The following ETS1 variants were observed in gnomAD, a reference collection of about 807,000 sequenced individuals.
The protein encoded by ETS1 is protein C-ets-1.
Under a neutral mutation model 58.6 loss-of-function variants are expected in ETS1, and 15 were observed. The observed-to-expected ratio is 0.26, with a 90% CI of 0.17 to 0.39. The LOEUF is 0.39. ETS1 is among the 10% of genes least tolerant of loss of function. The probability of loss-of-function intolerance (pLI) is 1.00; values close to 1 mark genes in which losing one functional copy is unlikely to be tolerated. For synonymous variants in ETS1, 214 were observed against 218.2 expected (o/e 0.98, Z 0.17); for missense variants, 417 against 610.5 (o/e 0.68, Z 3.34).
In ETS1 at chr11:128,463,676, T is replaced by C. The variant is rs773404571; in HGVS notation, c.1124-49A>G. 1.9e-6 allele frequency: 2 copies of C among 1,030,378 alleles called. No individual in the cohort carries two copies. The highest frequency in any genetic ancestry group is 1.3e-5 in the South Asian group (1 of 79,102). The allele number at this position is 1,030,378 out of a possible 1,614,324, so 63.8% of individuals were successfully genotyped here. On this transcript the variant is annotated intron_variant, in intron 8 of 9. Coordinates refer to ENST00000392668, the MANE Select transcript of ETS1 (RefSeq NM_001143820.2). This position sits in a 1 kb window ranked among gnomAD's most constrained non-coding sequence, Gnocchi z 4.1. ...TCATTACACCAGATATTCAGCACTC[T>C]ACGCAGCTAATCCCCACACACGGCA...
intron 2 of ETS1, among the ~76,000 whole-genome samples, chr11:128,560,392 C>T (rs888094657): frequency 6.6e-6 from 1 of 152,340 alleles, no homozygotes; most frequent in African/African-American, 2.4e-5. Context: ...GGATTACAGG[C>T]GTGAGCCACC....
intron 9 of ETS1, 116 bp from the exon 10 acceptor site, chr11:128,462,692 T>G: frequency 1.4e-6 from 1 of 737,646 alleles, no homozygotes; most frequent in Non-Finnish European, 2.3e-6. Context: ...GATGCTCAAG[T>G]AAGATGATTT....
chr11:128,462,450 G>A lies in ETS1; in HGVS notation c.1369C>T (p.Arg457Cys), dbSNP rs1287353291. ...HKTAGKRYVYRFVCDLQSLLG... is the reference protein window; with the variant it reads ...HKTAGKRYVYCFVCDLQSLLG... ...AGGCTCTGCAGGTCACACACAAAGCGGTACACGTAGCGTTTCCCCGCTGTC... is the reference window on the plus strand; with the variant it reads ...AGGCTCTGCAGGTCACACACAAAGCAGTACACGTAGCGTTTCCCCGCTGTC... The change falls in exon 10 of 10, where the codon CGC becomes TGC. Residue 457 changes from arginine (R) to cysteine (C), a missense_variant. Arg to Cys is a radical substitution (Grantham distance 180). Coordinates refer to ENST00000392668, the MANE Select transcript of ETS1 (RefSeq NM_001143820.2). The A allele has an allele frequency of 1.9e-6, 3 of 1,614,136 alleles. No homozygotes were observed. The highest frequency in any genetic ancestry group is 2.2e-5 in the East Asian group (1 of 44,888).
intron 2 of ETS1, among the ~76,000 whole-genome samples, chr11:128,558,206 G>A (rs748531971): frequency 2.0e-5 from 3 of 152,280 alleles, no homozygotes; most frequent in South Asian, 2.1e-4. Context: ...GTGTTGCATC[G>A]AAGGCTAACA....
chr11:128,469,072 T>C (rs1252836851), intron 8 of ETS1, among the ~76,000 whole-genome samples: 1 of 152,196 alleles, frequency 6.6e-6, no homozygotes, highest in East Asian at 1.9e-4. Flanking sequence ...TATTAAACAA[T>C]ATTTGGGGCC....
At chr11:128,548,147 G>GAAGGA (rs1565405268) in intron 3 of ETS1, among the ~76,000 whole-genome samples, 2 of 59,414 alleles carry the variant, frequency 3.4e-5, no homozygotes, top group Non-Finnish European at 6.5e-5. Flanking sequence ...GAAGGGAAGG[G>GAAGGA]AAGGGAAGGA....
intron 1 of ETS1, among the ~76,000 whole-genome samples, chr11:128,580,676 G>A (rs1451189314): frequency 1.3e-5 from 2 of 152,124 alleles, no homozygotes; most frequent in African/African-American, 4.8e-5. Context: ...ACAAATGAAG[G>A]CTGTGTTCCA....
At chr11:128,473,916 G>T (rs1862253863) in intron 8 of ETS1, among the ~76,000 whole-genome samples, 3 of 152,230 alleles carry the variant, frequency 2.0e-5, no homozygotes, top group African/African-American at 7.2e-5. Context: ...AGGCAATAAA[G>T]ACTGGTGTGG....
intron 8 of ETS1, among the ~76,000 whole-genome samples, chr11:128,475,882 T>TTGTGTGTGTGTGTG (rs61450075): frequency 6.7e-6 from 1 of 149,792 alleles, no homozygotes; most frequent in African/African-American, 2.5e-5. Context: ...ACTAGTACCT[T>TTGTGTGTGTGTGTG]TGTGTGTGTG....
intron 1 of ETS1, among the ~76,000 whole-genome samples, chr11:128,574,228 G>A (rs1864696421): frequency 6.6e-6 from 1 of 152,138 alleles, no homozygotes; most frequent in Admixed American, 6.5e-5. Context: ...ATATCATATG[G>A]TTAAGGGATG....
At chr11:128,519,598 C>T (rs1863610608) in intron 3 of ETS1, among the ~76,000 whole-genome samples, 1 of 152,244 alleles carries the variant, frequency 6.6e-6, no homozygotes, top group Non-Finnish European at 1.5e-5. Context: ...CAAAAGCAGA[C>T]AGCCCTGGCC....
chr11:128,521,987 G>A lies in ETS1; in HGVS notation c.215-31411C>T. 3 of 1,595,542 alleles carry A rather than the reference G, an allele frequency of 1.9e-6. No homozygotes were observed. The South Asian group carries it at 3.4e-5, about 18-fold the overall frequency. ...GAGAGTCGGCTTGAGATCGACGGCC[G>A]CCTTCATGGTGCCAGGAGTGGGGGA... On this transcript the variant is annotated intron_variant, in intron 3 of 9. Coordinates refer to ENST00000392668, the MANE Select transcript of ETS1 (RefSeq NM_001143820.2).
chr11:128,476,316 T>C (rs1862321410), intron 8 of ETS1, among the ~76,000 whole-genome samples: 1 of 152,174 alleles, frequency 6.6e-6, no homozygotes, highest in African/African-American at 2.4e-5. Context: ...CACATGCATA[T>C]AGTGTTCATT....
At position 128,480,427 on chromosome 11, in the gene ETS1, A is replaced by T; in HGVS notation, c.887T>A (p.Phe296Tyr). The T allele has an allele frequency of 6.2e-7, 1 of 1,613,798 alleles. No individual in the cohort carries two copies. The highest frequency in any genetic ancestry group is 8.5e-7 in the Non-Finnish European group (1 of 1,179,786). ...SRGKLGGQDS[F>Y]ESIESYDSCD... is the part of the protein sequence containing the mutation. ...ACTATCGTAGCTCTCTATGCTTTCA[A>T]AAGAGTCCTGGCCCCCGAGTTTACC... The change falls in exon 8 of 10, where the codon TTT becomes TAT. Residue 296 changes from phenylalanine to tyrosine, a missense_variant. This residue lies in a region of ETS1 where 139 missense variants were observed against 152.1 expected (regional missense o/e 0.91). Transcript: ENST00000392668.
rs778479273 is a variant in ETS1, at chr11:128,486,083, G to A, written c.599C>T (p.Ser200Leu). 8 of 1,607,596 alleles carry A rather than the reference G, an allele frequency of 5.0e-6. No homozygotes were observed. The South Asian group carries it at 6.6e-5, about 13-fold the overall frequency. ...NPAYPESRYT[S>L]DYFISYGIEH... Reference sequence around the variant, plus strand: ...AATGAACTTACTAATGAAGTAATCCGAGGTATAGCGGGATTCTGGATAGGC... The same window carrying A: ...AATGAACTTACTAATGAAGTAATCCAAGGTATAGCGGGATTCTGGATAGGC... Residue 200 changes from serine to leucine, a missense_variant, in exon 6 of 10, where the codon TCG (serine) becomes TTG (leucine). Ser to Leu is a moderately radical substitution (Grantham distance 145, BLOSUM62 -2). Coordinates refer to ENST00000392668, the MANE Select transcript of ETS1 (RefSeq NM_001143820.2).
chr11:128,559,468 T>C (rs761602060), intron 2 of ETS1, among the ~76,000 whole-genome samples: 5 of 152,224 alleles, frequency 3.3e-5, no homozygotes, highest in Non-Finnish European at 7.3e-5. Flanking sequence ...TGCCCACAGC[T>C]GGGCTCTTGG....
At chr11:128,492,044 G>T (rs1209948229) in intron 3 of ETS1, among the ~76,000 whole-genome samples, 4 of 152,170 alleles carry the variant, frequency 2.6e-5, no homozygotes, top group Non-Finnish European at 5.9e-5. Context: ...GCAAAGAAAT[G>T]AGCTGAGAAT....
At chr11:128,494,756 T>C (rs1862893800) in intron 3 of ETS1, among the ~76,000 whole-genome samples, 1 of 152,190 alleles carries the variant, frequency 6.6e-6, no homozygotes. Context: ...GTTCAAGACA[T>C]CTGGCCTTAC....
chr11:128,463,317 ACATAGAT>A lies in ETS1; in HGVS notation c.1242+185_1242+191del, dbSNP rs1201924997. ...CTAATCCTGTAAGACAAATGGGGTA[ACATAGAT>A]CTTTTCTCTATTTTCCAAATAATGA... On this transcript the variant is annotated intron_variant, in intron 9 of 9. Coordinates refer to ENST00000392668, the MANE Select transcript of ETS1 (RefSeq NM_001143820.2). The surrounding 1 kb of genome is among the most constrained non-coding windows in gnomAD (Gnocchi z 4.1). Among the ~76,000 whole-genome samples the A allele has an allele frequency of 6.6e-6, 1 of 152,172 alleles. No homozygotes were observed. Among genetic ancestry groups the A allele is most frequent in the Non-Finnish European group, 1.5e-5 (1 of 68,024 alleles).
Sources: gnomAD v4.1 joint callset for allele counts (sites outside exome capture counted in the v4.1 genomes callset) on GRCh38, gnomAD v4.1.1 for gene constraint, gnomAD v4.1.1 regional missense constraint, Gnocchi (gnomAD v3.1) non-coding constraint, MANE v1.5 for transcripts, NCBI Gene and HGNC (gene_info 2026-07-23, HGNC 2026-07-21) for gene names.